Variants in CACNA1H observed in about 807,000 individuals in gnomAD.
CACNA1H encodes voltage-dependent T-type calcium channel subunit alpha-1H.
Under a neutral mutation model 192.5 loss-of-function variants are expected in CACNA1H, and 149 were observed. The observed-to-expected ratio is 0.77, with a 90% CI of 0.68 to 0.89. The LOEUF is 0.89. Ranked by LOEUF, CACNA1H falls within the 40% of genes least tolerant of loss-of-function variation. The pLI is 0.00. For synonymous variants in CACNA1H, 2,202 were observed against 1,475.2 expected (o/e 1.49, Z -11.29); for missense variants, 4,257 against 3,423.5 (o/e 1.24, Z -6.08).
rs756211821 is a variant in CACNA1H, at chr16:1,211,943, C to T, written c.4567-3C>T. 2.5e-6 allele frequency: 4 copies of T among 1,613,280 alleles called. No homozygotes were observed. The highest frequency in any genetic ancestry group is 1.3e-5 in the African/African-American group (1 of 75,048). The stretch of plus-strand genomic sequence containing the variant: ...GCGGGGACCCACCGCCTCTGTGCCA[C>T]AGCCTGTGCAGAACCACAACCCCTG... On this transcript the variant is annotated splice_polypyrimidine_tract_variant and splice_region_variant and intron_variant, in intron 24 of 34. Coordinates refer to ENST00000348261, the MANE Select transcript of CACNA1H (RefSeq NM_021098.3).
At position 1,220,334 on chromosome 16, in the gene CACNA1H, G is replaced by C. The variant is rs762839425; in HGVS notation, c.6402G>C (p.Arg2134Ser). The change falls in exon 35 of 35, where the codon AGG becomes AGC. Residue 2134 changes from arginine (R) to serine (S), a missense_variant. Transcript: ENST00000348261. ...CCGGCGGCGAGCGGGACCTGCGCAG[G>C]CTCTACAGCGTGGATGCTCAGGGCT... is the stretch of plus-strand genomic sequence containing the variant. Reference protein sequence around the residue: ...PVAGGERDLRRLYSVDAQGFL... With the variant: ...PVAGGERDLRSLYSVDAQGFL... The C allele has an allele frequency of 1.9e-6, 3 of 1,552,746 alleles. No individual in the cohort carries two copies. Among genetic ancestry groups the C allele is most frequent in the Admixed American group, 3.9e-5 (2 of 51,780 alleles).
At chr16:1,168,814 G>A (rs954393418) in intron 2 of CACNA1H, among the ~76,000 whole-genome samples, 1 of 152,052 alleles carries the variant, frequency 6.6e-6, no homozygotes, top group African/African-American at 2.4e-5. Flanking sequence ...CCTGAGGCCC[G>A]AGGAGGGGTG....
intron 2 of CACNA1H, among the ~76,000 whole-genome samples, chr16:1,177,052 C>A (rs1025240604): frequency 2.0e-5 from 3 of 152,162 alleles, no homozygotes; most frequent in African/African-American, 7.2e-5. Context: ...GCCCTCCGCA[C>A]CTTCTCTGAA....
Position 1,204,289 on chromosome 16 carries a change from G to A in CACNA1H, c.2282G>A (p.Arg761Gln), listed in dbSNP as rs757946905. Residue 761 changes from arginine (R) to glutamine (Q), a missense_variant, in exon 10 of 35, where the codon CGG becomes CAG. Arg to Gln is a conservative substitution (Grantham distance 43). Coordinates refer to ENST00000348261, the MANE Select transcript of CACNA1H (RefSeq NM_021098.3). The part of the protein sequence containing the change: ...TPGPGPGSPQ[R>Q]RAQQRAAPGE... ...GGCCCAGGCCCAGGCAGCCCCCAGC[G>A]GCGGGCACAGCAGAGGGCAGCCCCG... 1.6e-5 allele frequency: 26 copies of A among 1,602,888 alleles called. No homozygotes were observed. The East Asian group carries it at 2.5e-4, about 15-fold the overall frequency.
At position 1,195,926 on chromosome 16, in the gene CACNA1H, C is replaced by T. The variant is rs1221190634; in HGVS notation, c.546C>T (p.Gly182=). Residue 182 remains glycine (G), a splice_region_variant and synonymous_variant, in exon 5 of 35, where the codon GGC becomes GGT. Transcript: ENST00000348261. Reference sequence around the variant, plus strand: ...TGCTCCCCCTCGGCCCCGCCCCCAGCATGATGGAGTACTCGTTGGACGGAC... The same window carrying T: ...TGCTCCCCCTCGGCCCCGCCCCCAGTATGATGGAGTACTCGTTGGACGGAC... ...NRLDFFIVVA[G]MMEYSLDGHN... The T allele has an allele frequency of 5.6e-6, 9 of 1,612,548 alleles. No homozygotes were observed. Among genetic ancestry groups the T allele is most frequent in the Non-Finnish European group, 7.6e-6 (9 of 1,179,370 alleles).
rs1000706715 is a variant in CACNA1H, at chr16:1,180,500, C to T, written c.300-14472C>T. 6.6e-6 allele frequency among the ~76,000 whole-genome samples: 1 copy of T among 152,110 alleles called. No homozygotes were observed. The highest frequency in any genetic ancestry group is 1.5e-5 in the Non-Finnish European group (1 of 68,002). On this transcript the variant is annotated intron_variant, in intron 2 of 34. Coordinates refer to ENST00000348261, the MANE Select transcript of CACNA1H (RefSeq NM_021098.3). The surrounding 1 kb of genome is among the most constrained non-coding windows in gnomAD (Gnocchi z 4.4). ...TGGGCCTGTGTCCTGGTGTCCCTGG[C>T]GTCCCCATACCCCCTCCGAGGCACA...
rs1176047765 is a variant in CACNA1H, at chr16:1,202,193, CAT to C, written c.1745_1746del (p.Ile582ArgfsTer73). 3 of 1,553,118 alleles carry C rather than the reference CAT, an allele frequency of 1.9e-6. No homozygotes were observed. The highest frequency in any genetic ancestry group is 2.4e-5 in the East Asian group (1 of 41,026). ...ACAGCATCTACCATGCCGACTGCCA[CAT>C]AGAGGGGCCGCAGGAGAGGGCCCGG... ...VHSIYHADCH[I>X]EGPQERARVA... is the part of the protein sequence containing the mutation. On this transcript the variant is annotated frameshift_variant, in exon 9 of 35. Transcript: ENST00000348261. LOFTEE classifies it high-confidence loss of function.
rs57135930 is a variant in CACNA1H at position 1,218,013 on chromosome 16, G to A, written c.5418G>A (p.Thr1806=). The stretch of plus-strand genomic sequence containing the variant: ...TCCTCACGCTGTTCCGCGTGTCCAC[G>A]GGGGACAACTGGAACGGGATCATGA... The part of the protein sequence containing the change: ...MAFLTLFRVS[T]GDNWNGIMKD... The change falls in exon 32 of 35, where the codon ACG becomes ACA. Residue 1806 remains threonine (T), a synonymous_variant. Coordinates refer to ENST00000348261, the MANE Select transcript of CACNA1H (RefSeq NM_021098.3). 19 of 1,600,974 alleles carry A rather than the reference G, an allele frequency of 1.2e-5. No individual in the cohort carries two copies. Among genetic ancestry groups the A allele is most frequent in the African/African-American group, 4.0e-5 (3 of 74,704 alleles).
chr16:1,190,220 C>T (rs965909371), intron 2 of CACNA1H, among the ~76,000 whole-genome samples: 10 of 152,230 alleles, frequency 6.6e-5, no homozygotes, highest in Non-Finnish European at 1.2e-4. Context: ...CTGTTCCCGG[C>T]TACGTTGGCC....
chr16:1,184,739 T>C (rs867840454), intron 2 of CACNA1H, among the ~76,000 whole-genome samples: 2 of 152,216 alleles, frequency 1.3e-5, no homozygotes, highest in Admixed American at 6.5e-5. Flanking sequence ...TGCCTGCCCA[T>C]GTGCCGGGTC....
At position 1,208,164 on chromosome 16, in the gene CACNA1H, C is replaced by T. The variant is rs1968975903; in HGVS notation, c.3306C>T (p.Asp1102=). 1 of 1,571,426 alleles carries T rather than the reference C, an allele frequency of 6.4e-7. No individual in the cohort carries two copies. The highest frequency in any genetic ancestry group is 8.6e-7 in the Non-Finnish European group (1 of 1,160,430). ...TGGATGCAGCCCCCAGCCTCCCAGACTCTCGGCGTGGCAGCAGCAGCTCCG... is the reference window on the plus strand; with the variant it reads ...TGGATGCAGCCCCCAGCCTCCCAGATTCTCGGCGTGGCAGCAGCAGCTCCG... The part of the protein sequence containing the change: ...PFLDAAPSLP[D]SRRGSSSSGD... Residue 1102 remains aspartate, a synonymous_variant, in exon 16 of 35, where the codon GAC becomes GAT. Transcript: ENST00000348261.
At chr16:1,213,696 C>T in intron 26 of CACNA1H, 84 bp from the exon 27 acceptor site, 4 of 1,100,696 alleles carry the variant, frequency 3.6e-6, no homozygotes, top group Non-Finnish European at 5.0e-6. Context: ...TACACTTGGC[C>T]ACCTAGGAGG....
Position 1,218,639 on chromosome 16 carries a change from G to T in CACNA1H, c.5875G>T (p.Gly1959Cys), listed in dbSNP as rs769390123. The T allele has an allele frequency of 6.5e-7, 1 of 1,548,608 alleles. No homozygotes were observed. The highest frequency in any genetic ancestry group is 2.4e-5 in the East Asian group (1 of 41,810). Residue 1959 changes from glycine (G) to cysteine (C), a missense_variant, in exon 33 of 35, where the codon GGC becomes TGC. Transcript: ENST00000348261. ...QEVEMETYGA[G>C]TPLGSVASVH... is the part of the protein sequence containing the mutation. ...GGTGGAGATGGAGACCTATGGGGCC[G>T]GCACCCCCTTGGGTATGGTAGCCAG...
At chr16:1,208,453 T>C (rs1596447405) in intron 16 of CACNA1H, among the ~76,000 whole-genome samples, 1 of 152,264 alleles carries the variant, frequency 6.6e-6, no homozygotes, top group East Asian at 1.9e-4. Flanking sequence ...CCCAACAGTC[T>C]AGCAGAGTGC....
At chr16:1,188,066 C>G (rs1009850447) in intron 2 of CACNA1H, among the ~76,000 whole-genome samples, 1 of 152,178 alleles carries the variant, frequency 6.6e-6, no homozygotes, top group African/African-American at 2.4e-5. Context: ...CCCTTTTGTA[C>G]AGATGGGGAA....
intron 6 of CACNA1H, among the ~76,000 whole-genome samples, chr16:1,199,661 C>T (rs1487556157): frequency 6.7e-6 from 1 of 150,218 alleles, no homozygotes; most frequent in Non-Finnish European, 1.5e-5. Flanking sequence ...CCGGGGTCCC[C>T]TCAACCCTCA....
intron 2 of CACNA1H, among the ~76,000 whole-genome samples, chr16:1,182,130 G>A (rs1043001133): frequency 6.1e-4 from 93 of 152,330 alleles, no homozygotes; most frequent in Admixed American, 9.1e-4. Flanking sequence ...AGGGGCAGGA[G>A]CAGGGTCCGT....
intron 2 of CACNA1H, among the ~76,000 whole-genome samples, chr16:1,177,225 A>C (rs888366147): frequency 1.3e-5 from 2 of 152,078 alleles, no homozygotes; most frequent in Non-Finnish European, 2.9e-5. Context: ...GTTTGACTCC[A>C]CCAGGGGCTG....
chr16:1,155,978 C>G (rs1221119065), intron 2 of CACNA1H, among the ~76,000 whole-genome samples: 3 of 152,072 alleles, frequency 2.0e-5, no homozygotes, highest in Non-Finnish European at 4.4e-5. Context: ...GGGTGCTGTC[C>G]TGGTCTCGGG....
Sources: allele counts gnomAD v4.1 joint callset (sites outside exome capture counted in the v4.1 genomes callset), GRCh38; gene constraint gnomAD v4.1.1; non-coding constraint Gnocchi (gnomAD v3.1); transcripts MANE v1.5; gene names NCBI Gene and HGNC (gene_info 2026-07-23, HGNC 2026-07-21).